RPL31: variants seen among roughly 807,000 people sequenced by gnomAD.
RPL31 encodes the protein ribosomal protein L31, also known as large ribosomal subunit protein eL31.
For synonymous variants in RPL31, 51 were observed against 55.0 expected, an observed-to-expected ratio of 0.93 and a Z score of 0.32; for missense variants, 95 against 164.0, an observed-to-expected ratio of 0.58 and a Z score of 2.30.
At chr2:101,002,342 T>A (rs1022453305) in intron 1 of RPL31, 27 bp downstream of exon 1, 1 of 220,702 alleles carries the variant, frequency 4.5e-6, no homozygotes, top group Admixed American at 5.6e-5. Context: ...GAGTCTGGGC[T>A]CCTGGAATCC....
At chr2:101,007,663 G>T, downstream of RPL31, 1 of 708,246 alleles carries the variant, frequency 1.4e-6, no homozygotes, top group East Asian at 2.5e-5. Flanking sequence ...ATGCTTGAGG[G>T]TTGTGTCGGT....
downstream of RPL31, among the ~76,000 whole-genome samples, chr2:101,009,659 C>G (rs888971290): frequency 1.2e-4 from 18 of 151,956 alleles, no homozygotes; most frequent in African/African-American, 4.4e-4. Context: ...ATTCCCAGCA[C>G]AGTAGACGAG....
chr2:101,012,300 A>G (rs1032700370), intron 4 of RPL31, among the ~76,000 whole-genome samples: 5 of 152,226 alleles, frequency 3.3e-5, no homozygotes, highest in Non-Finnish European at 7.3e-5. Context: ...AAAACACCCA[A>G]ATGTTGAATA....
At chr2:101,012,681 G>A (rs533004155) in intron 4 of RPL31, among the ~76,000 whole-genome samples, 3 of 151,902 alleles carry the variant, frequency 2.0e-5, no homozygotes, top group East Asian at 3.9e-4. Flanking sequence ...TGCATGGTGC[G>A]TGAAATATAT....
At chr2:101,017,765 G>C (rs189389729) in intron 4 of RPL31, 161 of 1,397,416 alleles carry the variant, frequency 1.2e-4, no homozygotes, top group Non-Finnish European at 1.5e-4. Flanking sequence ...AAAAGGATAA[G>C]ATGTTACCAA....
At position 101,006,634 on chromosome 2, in the gene RPL31, G is replaced by T. The variant is rs1264616349; in HGVS notation, c.*253G>T. 1.0e-5 allele frequency: 4 copies of T among 400,448 alleles called. No homozygotes were observed. Among genetic ancestry groups the T allele is most frequent in the Non-Finnish European group, 1.8e-5 (4 of 226,940 alleles). The allele number at this position is 400,448 out of a possible 1,614,324, so 24.8% of individuals were successfully genotyped here. On this transcript the variant is annotated 3_prime_UTR_variant, in exon 5 of 5. Transcript: ENST00000264258. ...AGGCATATTGTTAATTATTCTACTT[G>T]TATGTTTTGCTAATTCTAAGATAAG...
intron 4 of RPL31, chr2:101,018,904 A>G (rs1248726828): frequency 6.7e-7 from 1 of 1,491,424 alleles, no homozygotes; most frequent in East Asian, 2.4e-5. Flanking sequence ...ATCAATCTGC[A>G]GTGAAAACTG....
At chr2:101,014,219 TTATATTC>T (rs2105365157) in intron 4 of RPL31, among the ~76,000 whole-genome samples, 1 of 152,254 alleles carries the variant, frequency 6.6e-6, no homozygotes, top group Admixed American at 6.5e-5. Context: ...TCAAGGAAGT[TTATATTC>T]TATGTTTCCA....
chr2:101,016,950 AG>A (rs1679693049), intron 4 of RPL31, among the ~76,000 whole-genome samples: 2 of 152,100 alleles, frequency 1.3e-5, no homozygotes, highest in African/African-American at 4.8e-5. Flanking sequence ...GGGGAGGGAT[AG>A]CATTAGGAGA....
chr2:101,007,774 G>A (rs781524620), downstream of RPL31: 21 of 1,567,462 alleles, frequency 1.3e-5, no homozygotes, highest in East Asian at 2.2e-5. Flanking sequence ...AGTCTGGTTC[G>A]TGCTTTGGTA....
chr2:101,002,776 C>T lies in RPL31; in HGVS notation c.75C>T (p.Tyr25=). ...TCAACGAAGTGGTAACCCGAGAATA[C>T]ACCATCAACATTCACAAGCGCATCC... ...SAINEVVTRE[Y]TINIHKRIHG... The change falls in exon 2 of 5, where the codon TAC becomes TAT. Residue 25 remains tyrosine, a synonymous_variant. Transcript: ENST00000264258. 2 of 1,614,016 alleles carry T rather than the reference C, an allele frequency of 1.2e-6. No individual in the cohort carries two copies. Among genetic ancestry groups the T allele is most frequent in the African/African-American group, 1.3e-5 (1 of 75,046 alleles).
chr2:101,012,662 C>T lies in RPL31; in HGVS notation c.347-6336C>T, dbSNP rs527546101. On this transcript the variant is annotated intron_variant, in intron 4 of 4. Transcript: ENST00000409028. Reference sequence around the variant, plus strand: ...AACCCATTGAATTGTACGCTTTAAACGGGTGACTTGCATGGTGCGTGAAAT... The same window carrying T: ...AACCCATTGAATTGTACGCTTTAAATGGGTGACTTGCATGGTGCGTGAAAT... Among the ~76,000 whole-genome samples, 15 of 151,380 alleles carry T rather than the reference C, an allele frequency of 9.9e-5. No individual in the cohort carries two copies. The South Asian group carries it at 1.9e-3, about 19-fold the overall frequency.
chr2:101,006,362 T>A lies in RPL31; in HGVS notation c.359T>A (p.Val120Asp). 1 of 1,610,714 alleles carries A rather than the reference T, an allele frequency of 6.2e-7. No individual in the cohort carries two copies. The highest frequency in any genetic ancestry group is 8.5e-7 in the Non-Finnish European group (1 of 1,179,128). Residue 120 changes from valine to aspartate, a missense_variant, in exon 5 of 5, where the codon GTC becomes GAC. Val to Asp is a radical substitution (Grantham distance 152, BLOSUM62 -3). Transcript: ENST00000264258. ...PVTTFKNLQT[V>D]NVDEN The stretch of plus-strand genomic sequence containing the variant: ...ACTTCCTTTACAGATCTACAGACAG[T>A]CAATGTGGATGAGAACTAATCGCTG...
intron 4 of RPL31, among the ~76,000 whole-genome samples, chr2:101,015,034 G>A (rs4851395): frequency 0.25 from 37,877 of 152,016 alleles, 5,344 homozygotes; most frequent in South Asian, 0.38. Flanking sequence ...AGGTGATTTT[G>A]TCATTGTGCA....
intron 1 of RPL31, 95 bp downstream of exon 1, chr2:101,002,410 G>T (rs1433319493): frequency 2.4e-6 from 1 of 422,978 alleles, no homozygotes; most frequent in Non-Finnish European, 4.3e-6. Flanking sequence ...TCCCGAGCCA[G>T]CCCGGGGCTC....
At chr2:101,005,657 A>C in intron 3 of RPL31, 1 of 328,970 alleles carries the variant, frequency 3.0e-6, no homozygotes, top group Non-Finnish European at 5.5e-6. Flanking sequence ...GTTTCTGGTG[A>C]TAGACAAAAG....
At chr2:101,011,101 G>T, downstream of RPL31, 1 of 1,418,636 alleles carries the variant, frequency 7.0e-7, no homozygotes, top group Non-Finnish European at 9.8e-7. Flanking sequence ...CTATGTAGGA[G>T]AGAGGAGCAA....
At chr2:101,010,678 T>C (rs1415156842), downstream of RPL31, among the ~76,000 whole-genome samples, 1 of 151,768 alleles carries the variant, frequency 6.6e-6, no homozygotes. Flanking sequence ...AGGTGAGAAG[T>C]TCAAGACCAG....
At chr2:101,017,074 T>TAA (rs376317331) in intron 4 of RPL31, among the ~76,000 whole-genome samples, 94 of 133,024 alleles carry the variant, frequency 7.1e-4, no homozygotes, top group African/African-American at 2.2e-3. Context: ...TTAAAAGTAT[T>TAA]AAAAAAAAAA....
Sources: allele counts gnomAD v4.1 joint callset (sites outside exome capture counted in the v4.1 genomes callset), GRCh38; gene constraint gnomAD v4.1.1; transcripts MANE v1.5; gene names NCBI Gene and HGNC (gene_info 2026-07-23, HGNC 2026-07-21).